The following ARIH2 variants were observed in gnomAD, a reference collection of about 807,000 sequenced individuals.
The protein encoded by ARIH2 is ariadne RBR E3 ubiquitin protein ligase 2, also known as E3 ubiquitin-protein ligase ARIH2.
In ARIH2, 12 loss-of-function variants were observed where a neutral mutation model predicts 79.8. That is an observed-to-expected ratio of 0.15 (90% CI 0.10 to 0.24). ARIH2 has a LOEUF of 0.24. ARIH2 is among the 10% of genes least tolerant of loss of function. ARIH2 has a pLI of 1.00. For synonymous variants in ARIH2, 224 were observed against 213.9 expected (o/e 1.05, Z -0.41); for missense variants, 301 against 618.3 (o/e 0.49, Z 5.44).
chr3:48,979,424 A>G (rs1313432265), intron 11 of ARIH2, 58 bp from the exon 12 acceptor site: 21 of 1,574,342 alleles, frequency 1.3e-5, no homozygotes, highest in African/African-American at 5.4e-5. Flanking sequence ...TCCTCTGCCT[A>G]TGGAGGAAAG....
chr3:48,919,153 C>T (rs1320763558), intron 1 of ARIH2, 155 bp downstream of exon 1: 8 of 1,302,030 alleles, frequency 6.1e-6, no homozygotes, highest in African/African-American at 3.0e-5. Context: ...CGAGCATTAC[C>T]CGCCGTCAGC....
chr3:48,966,985 C>CA (rs1293659252), intron 5 of ARIH2, 140 bp from the exon 6 acceptor site: 4 of 917,706 alleles, frequency 4.4e-6, no homozygotes, highest in African/African-American at 3.3e-5. Context: ...CCTTGGGACT[C>CA]AGAGTCCACA....
At chr3:48,929,441 G>A (rs2086086622) in intron 3 of ARIH2, among the ~76,000 whole-genome samples, 1 of 151,924 alleles carries the variant, frequency 6.6e-6, no homozygotes, top group Non-Finnish European at 1.5e-5. Context: ...CTCCTGGAAA[G>A]CTTTCCCTTC....
intron 3 of ARIH2, among the ~76,000 whole-genome samples, chr3:48,942,187 A>G (rs1476889481): frequency 1.3e-5 from 2 of 151,508 alleles, no homozygotes; most frequent in Middle Eastern, 3.2e-3. Flanking sequence ...AATAGCTGGG[A>G]TTAGAGGTGC....
Position 48,927,530 on chromosome 3 carries a change from C to G in ARIH2, c.-29C>G. On this transcript the variant is annotated 5_prime_UTR_variant, in exon 3 of 16. Transcript: ENST00000356401. ...GGGAGGGGGAAAAAGCAACTGCTTTCCTGATCTGCAACTTGGCTGGATGCT... is the reference window on the plus strand; with the variant it reads ...GGGAGGGGGAAAAAGCAACTGCTTTGCTGATCTGCAACTTGGCTGGATGCT... 1 of 1,607,506 alleles carries G rather than the reference C, an allele frequency of 6.2e-7. No homozygotes were observed. The highest frequency in any genetic ancestry group is 1.1e-5 in the South Asian group (1 of 90,096).
At chr3:48,919,752 A>G (rs535218295) in intron 1 of ARIH2, among the ~76,000 whole-genome samples, 16 of 152,312 alleles carry the variant, frequency 1.1e-4, no homozygotes, top group Middle Eastern at 3.4e-3. Context: ...AGACAGATAC[A>G]AAGTGTAGGA....
chr3:48,941,084 A>G (rs531426128), intron 3 of ARIH2, among the ~76,000 whole-genome samples: 2 of 151,286 alleles, frequency 1.3e-5, no homozygotes, highest in Non-Finnish European at 3.0e-5. Context: ...AAGCAGGAGA[A>G]TGGCGTGAAC....
intron 3 of ARIH2, among the ~76,000 whole-genome samples, chr3:48,960,599 A>G (rs2091144286): frequency 6.6e-6 from 1 of 152,018 alleles, no homozygotes; most frequent in Non-Finnish European, 1.5e-5. Flanking sequence ...CCCTGTCTCT[A>G]CTAAAAATAC....
chr3:48,919,023 C>G, intron 1 of ARIH2, 25 bp downstream of exon 1: 6 of 1,387,604 alleles, frequency 4.3e-6, no homozygotes, highest in Non-Finnish European at 5.6e-6. Context: ...CACGTCACGG[C>G]CTTGTTTACC....
intron 3 of ARIH2, among the ~76,000 whole-genome samples, chr3:48,958,691 A>ATGTT (rs1020739917): frequency 6.6e-6 from 1 of 151,962 alleles, no homozygotes; most frequent in African/African-American, 2.4e-5. Context: ...CCAGGGCAAC[A>ATGTT]GAAGGAGACT....
chr3:48,938,503 A>G (rs1453906059), intron 3 of ARIH2, among the ~76,000 whole-genome samples: 1 of 152,224 alleles, frequency 6.6e-6, no homozygotes, highest in Admixed American at 6.5e-5. Flanking sequence ...GGGGAGAAAC[A>G]TAAAAACTTT....
In ARIH2 at chr3:48,967,339, C is replaced by A; in HGVS notation, c.538+64C>A. The A allele has an allele frequency of 7.1e-6, 11 of 1,543,544 alleles. No homozygotes were observed. The South Asian group carries it at 1.1e-4, about 15-fold the overall frequency. On this transcript the variant is annotated intron_variant, in intron 6 of 15. Transcript: ENST00000356401. Reference sequence around the variant, plus strand: ...GTGTTTATCTTTGACTCTGCCTTTTCATGTACTCAAGTAAACTGAGTATTT... The same window carrying A: ...GTGTTTATCTTTGACTCTGCCTTTTAATGTACTCAAGTAAACTGAGTATTT...
At chr3:48,936,253 T>A (rs2087102020) in intron 3 of ARIH2, among the ~76,000 whole-genome samples, 2 of 152,142 alleles carry the variant, frequency 1.3e-5, no homozygotes, top group South Asian at 4.1e-4. Flanking sequence ...AGGATTAGAT[T>A]TGTCTTCCCC....
intron 3 of ARIH2, among the ~76,000 whole-genome samples, chr3:48,928,841 G>A (rs1233118411): frequency 7.3e-6 from 1 of 136,898 alleles, no homozygotes; most frequent in Non-Finnish European, 1.6e-5. Flanking sequence ...TTTTTTTTTT[G>A]TGTGACTAAT....
At position 48,946,745 on chromosome 3, in the gene ARIH2, T is replaced by C. The variant is rs192370762; in HGVS notation, c.256-14867T>C. Among the ~76,000 whole-genome samples the C allele has an allele frequency of 2.8e-3, 432 of 152,076 alleles. 7 individuals carry two copies. The Middle Eastern group carries it at 0.037, about 13-fold the overall frequency. On this transcript the variant is annotated intron_variant, in intron 3 of 15. Transcript: ENST00000356401. ...AAGCTCCCCAGTAGCGTCTAACCCA[T>C]TGTGGTGCAGGTTTGGAGGACTCAG...
rs1240498211 is a variant in ARIH2 at position 48,986,316 on chromosome 3, T to C, written c.*3046T>C. 4 of 152,180 alleles carry C rather than the reference T, an allele frequency of 2.6e-5. No homozygotes were observed. Among genetic ancestry groups the C allele is most frequent in the East Asian group, 3.9e-4 (2 of 5,194 alleles). 9.4% of individuals were successfully genotyped at this position (152,180 alleles called of 1,614,324 possible). On this transcript the variant is annotated 3_prime_UTR_variant, in exon 16 of 16. Transcript: ENST00000356401. ...CAATCCATGGGGAACATAGAAGGAA[T>C]TGATCACTAGTGAATGTTTGTTTTT... is the stretch of plus-strand genomic sequence containing the variant.
intron 8 of ARIH2, among the ~76,000 whole-genome samples, chr3:48,972,537 A>G (rs1197601997): frequency 6.6e-6 from 1 of 152,174 alleles, no homozygotes. Flanking sequence ...TCAGCTAGTC[A>G]GGAGGCTGAG....
chr3:48,936,563 T>G (rs992310106), intron 3 of ARIH2, among the ~76,000 whole-genome samples: 5 of 151,736 alleles, frequency 3.3e-5, no homozygotes, highest in Non-Finnish European at 7.4e-5. Context: ...TGAAACCCTG[T>G]CTCTACTAAA....
At chr3:48,934,087 G>A (rs1035689770) in intron 3 of ARIH2, among the ~76,000 whole-genome samples, 3 of 152,092 alleles carry the variant, frequency 2.0e-5, no homozygotes, top group African/African-American at 7.2e-5. Context: ...AGATTCTGCT[G>A]TGGATAATTT....
Sources: gnomAD v4.1 joint callset for allele counts (sites outside exome capture counted in the v4.1 genomes callset) on GRCh38, gnomAD v4.1.1 for gene constraint, MANE v1.5 for transcripts, NCBI Gene and HGNC (gene_info 2026-07-23, HGNC 2026-07-21) for gene names.